XRCC5: variants seen among roughly 807,000 people sequenced by gnomAD.
The protein encoded by XRCC5 is X-ray repair cross complementing 5.
XRCC5 carries 12 observed loss-of-function variants against 95.7 expected under a neutral mutation model. That is an observed-to-expected ratio of 0.13 (90% confidence interval 0.08 to 0.20). The LOEUF is 0.20. Ranked by LOEUF, XRCC5 falls within the 10% of genes least tolerant of loss-of-function variation. The probability of loss-of-function intolerance (pLI) is 1.00; values close to 1 mark genes in which losing one functional copy is unlikely to be tolerated. For missense variants in XRCC5, 595 were observed against 873.9 expected, an observed-to-expected ratio of 0.68 and a Z score of 4.02; for synonymous variants, 281 against 290.3, an observed-to-expected ratio of 0.97 and a Z score of 0.33.
intron 17 of XRCC5, among the ~76,000 whole-genome samples, chr2:216,191,929 G>C (rs1458806726): frequency 3.9e-5 from 6 of 152,122 alleles, no homozygotes; most frequent in African/African-American, 1.4e-4. Context: ...AATATAATTG[G>C]AGGGTTATGG....
intron 16 of XRCC5, among the ~76,000 whole-genome samples, chr2:216,172,227 A>G (rs1269953011): frequency 6.6e-6 from 1 of 152,198 alleles, no homozygotes; most frequent in African/African-American, 2.4e-5. Context: ...TGGAACTTCT[A>G]AGCAAACATA....
intron 19 of XRCC5, among the ~76,000 whole-genome samples, chr2:216,199,449 C>CT (rs1221085470): frequency 2.6e-5 from 4 of 152,260 alleles, no homozygotes; most frequent in South Asian, 2.1e-4. Context: ...CAGTCACTTT[C>CT]TTTTAAGTTT....
intron 9 of XRCC5, 146 bp downstream of exon 9, chr2:216,131,133 A>G (rs527532239): frequency 1.4e-6 from 2 of 1,417,196 alleles, no homozygotes; most frequent in African/African-American, 1.5e-5. Context: ...TTGCCATGGT[A>G]TGTATTTTAT....
intron 16 of XRCC5, among the ~76,000 whole-genome samples, chr2:216,184,727 C>T (rs1352327591): frequency 3.3e-5 from 5 of 152,238 alleles, no homozygotes; most frequent in African/African-American, 9.6e-5. Context: ...GTGATCCGCC[C>T]GTCTCGGCCT....
chr2:216,148,229 A>G lies in XRCC5; in HGVS notation c.1623A>G (p.Glu541=), dbSNP rs1688676190. The G allele has an allele frequency of 6.2e-7, 1 of 1,613,232 alleles. No individual in the cohort carries two copies. ...SKIKTLFPLI[E]AKKKDQVTAQ... Reference sequence around the variant, plus strand: ...TAAAGACCCTTTTTCCTCTGATTGAAGCCAAGAAAAAGGATCAAGTGACTG... The same window carrying G: ...TAAAGACCCTTTTTCCTCTGATTGAGGCCAAGAAAAAGGATCAAGTGACTG... Residue 541 remains glutamate, a synonymous_variant, in exon 14 of 21, where the codon GAA becomes GAG. Transcript: ENST00000392132.
intron 16 of XRCC5, among the ~76,000 whole-genome samples, chr2:216,169,165 G>C (rs931146944): frequency 6.6e-6 from 1 of 152,232 alleles, no homozygotes; most frequent in Non-Finnish European, 1.5e-5. Flanking sequence ...TTGCTGACCT[G>C]ATTGACTAAA....
At chr2:216,125,225 T>G (rs1224169529) in intron 6 of XRCC5, among the ~76,000 whole-genome samples, 1 of 151,734 alleles carries the variant, frequency 6.6e-6, no homozygotes, top group Non-Finnish European at 1.5e-5. Flanking sequence ...GAGACAAAGT[T>G]TCATTCTTGT....
chr2:216,193,965 G>C (rs888530955), intron 18 of XRCC5, among the ~76,000 whole-genome samples: 2 of 152,318 alleles, frequency 1.3e-5, no homozygotes, highest in Non-Finnish European at 2.9e-5. Flanking sequence ...CTAAATGATA[G>C]ACATGCCCCT....
chr2:216,178,894 A>G (rs1689329000), intron 16 of XRCC5, among the ~76,000 whole-genome samples: 1 of 152,250 alleles, frequency 6.6e-6, no homozygotes, highest in Non-Finnish European at 1.5e-5. Flanking sequence ...GGAATAAACC[A>G]GTGAGGCCTA....
intron 10 of XRCC5, among the ~76,000 whole-genome samples, chr2:216,135,378 C>G (rs1008311209): frequency 2.0e-5 from 3 of 152,074 alleles, no homozygotes; most frequent in African/African-American, 7.2e-5. Flanking sequence ...GAGACCTGCC[C>G]CCAGTCAGTG....
At chr2:216,142,994 C>T (rs1460673904) in intron 13 of XRCC5, among the ~76,000 whole-genome samples, 3 of 152,184 alleles carry the variant, frequency 2.0e-5, no homozygotes, top group Non-Finnish European at 4.4e-5. Context: ...CTACACCTAA[C>T]CTACCAATCA....
At chr2:216,137,299 T>A in intron 11 of XRCC5, 74 bp downstream of exon 11, 1 of 1,480,484 alleles carries the variant, frequency 6.8e-7, no homozygotes, top group Non-Finnish European at 9.1e-7. Flanking sequence ...CAGCTGTTAA[T>A]GTTCATGACA....
intron 16 of XRCC5, among the ~76,000 whole-genome samples, chr2:216,178,796 C>G (rs1165576583): frequency 6.6e-6 from 1 of 152,154 alleles, no homozygotes; most frequent in African/African-American, 2.4e-5. Flanking sequence ...GTCTACTCCC[C>G]TAAGTGGCAG....
intron 7 of XRCC5, among the ~76,000 whole-genome samples, 166 bp from the exon 8 acceptor site, chr2:216,127,370 T>C (rs4503989): frequency 0.3 from 44,937 of 152,208 alleles, 7,329 homozygotes; most frequent in East Asian, 0.67. Context: ...TATATTTTGT[T>C]ATGAAATAAA....
At chr2:216,200,703 T>A (rs528613453) in intron 19 of XRCC5, among the ~76,000 whole-genome samples, 79 of 152,296 alleles carry the variant, frequency 5.2e-4, no homozygotes, top group African/African-American at 1.9e-3. Context: ...TCCCTTGAGG[T>A]AACCACTATT....
At chr2:216,180,239 A>G (rs1206249756) in intron 16 of XRCC5, among the ~76,000 whole-genome samples, 1 of 152,206 alleles carries the variant, frequency 6.6e-6, no homozygotes, top group Admixed American at 6.5e-5. Flanking sequence ...GGAAGGGGTA[A>G]CTTAGATAAC....
Position 216,205,975 on chromosome 2 carries a change from C to T in XRCC5, c.*773C>T, listed in dbSNP as rs1201576906. On this transcript the variant is annotated 3_prime_UTR_variant, in exon 21 of 21. Transcript: ENST00000392132. The stretch of plus-strand genomic sequence containing the variant: ...CAGTAGTTAGAATTATATCACTTCA[C>T]TGTTCTCTACTTGCAAGCCTCAAAG... 4 of 152,228 alleles carry T rather than the reference C, an allele frequency of 2.6e-5. No individual in the cohort carries two copies. Among genetic ancestry groups the T allele is most frequent in the African/African-American group, 9.6e-5 (4 of 41,464 alleles). The allele number at this position is 152,228 out of a possible 1,614,324, so 9.4% of individuals were successfully genotyped here. A position where few individuals can be genotyped will look rare whatever the true frequency, so the allele number is the denominator to read the frequency against.
At chr2:216,169,013 T>C (rs1689104088) in intron 16 of XRCC5, among the ~76,000 whole-genome samples, 1 of 152,266 alleles carries the variant, frequency 6.6e-6, no homozygotes, top group Non-Finnish European at 1.5e-5. Flanking sequence ...GTCACATATC[T>C]GAAACCTTGT....
intron 14 of XRCC5, among the ~76,000 whole-genome samples, chr2:216,150,113 A>G (rs1461599478): frequency 6.6e-6 from 1 of 152,196 alleles, no homozygotes; most frequent in Non-Finnish European, 1.5e-5. Context: ...TTTCCAAGGA[A>G]AGAAAAAATT....
Sources: gnomAD v4.1 joint callset for allele counts (sites outside exome capture counted in the v4.1 genomes callset) on GRCh38, gnomAD v4.1.1 for gene constraint, MANE v1.5 for transcripts, NCBI Gene and HGNC (gene_info 2026-07-23, HGNC 2026-07-21) for gene names.